The following PTPRD variants were observed in gnomAD, a reference collection of about 807,000 sequenced individuals.
The protein encoded by PTPRD is receptor-type tyrosine-protein phosphatase delta.
In PTPRD, 34 loss-of-function variants were observed where a neutral mutation model predicts 214.5. The observed-to-expected ratio is 0.16, with a 90% confidence interval of 0.12 to 0.21. The LOEUF is 0.21. PTPRD is among the 10% of genes least tolerant of loss of function. The pLI is 1.00. For synonymous variants in PTPRD, 1,128 were observed against 845.7 expected, an observed-to-expected ratio of 1.33 and a Z score of -5.79; for missense variants, 2,545 against 2,398.7, an observed-to-expected ratio of 1.06 and a Z score of -1.27.
intron 11 of PTPRD, among the ~76,000 whole-genome samples, chr9:8,863,558 T>A (rs1395153981): frequency 6.6e-6 from 1 of 152,270 alleles, no homozygotes; most frequent in African/African-American, 2.4e-5. Flanking sequence ...GGCCCATTAA[T>A]GCATACATTA....
intron 10 of PTPRD, among the ~76,000 whole-genome samples, chr9:9,176,427 C>A (rs780683218): frequency 2.0e-5 from 3 of 152,128 alleles, no homozygotes; most frequent in Admixed American, 6.5e-5. Flanking sequence ...TTCTTAGGTG[C>A]TTTTCTTCCT....
intron 34 of PTPRD, among the ~76,000 whole-genome samples, chr9:8,448,691 G>T (rs2095829270): frequency 6.6e-6 from 1 of 152,118 alleles, no homozygotes; most frequent in Admixed American, 6.5e-5. Flanking sequence ...TTCAATTGAA[G>T]AGTTACTAGT....
chr9:10,363,503 C>T (rs1340502004), intron 2 of PTPRD, among the ~76,000 whole-genome samples: 1 of 152,196 alleles, frequency 6.6e-6, no homozygotes, highest in African/African-American at 2.4e-5. Context: ...ATGTTAAATT[C>T]TTCAAGCTCC....
chr9:10,126,096 C>T (rs1412338581), intron 3 of PTPRD, among the ~76,000 whole-genome samples: 3 of 151,990 alleles, frequency 2.0e-5, no homozygotes, highest in African/African-American at 7.2e-5. Context: ...TAGCATTTGG[C>T]ATGTATCCAA....
intron 2 of PTPRD, among the ~76,000 whole-genome samples, chr9:10,511,256 T>C (rs1332284299): frequency 6.6e-6 from 1 of 152,188 alleles, no homozygotes; most frequent in Non-Finnish European, 1.5e-5. Context: ...TGTGTGAATA[T>C]GTTTCTAATT....
At chr9:9,543,549 A>G (rs1320262428) in intron 8 of PTPRD, among the ~76,000 whole-genome samples, 1 of 151,604 alleles carries the variant, frequency 6.6e-6, no homozygotes, top group Non-Finnish European at 1.5e-5. Context: ...TAAGTTTTCC[A>G]AGGTAGGGTA....
chr9:9,118,429 T>C (rs1373576369), intron 10 of PTPRD, among the ~76,000 whole-genome samples: 1 of 152,154 alleles, frequency 6.6e-6, no homozygotes, highest in African/African-American at 2.4e-5. Flanking sequence ...TCACACTACA[T>C]GCACAGTGAT....
At chr9:8,676,278 C>T (rs1042806088) in intron 12 of PTPRD, among the ~76,000 whole-genome samples, 2 of 152,026 alleles carry the variant, frequency 1.3e-5, no homozygotes, top group Admixed American at 1.3e-4. Context: ...TCCCTTCTTA[C>T]AACTCCCTAA....
At chr9:8,607,567 C>T (rs748921304) in intron 14 of PTPRD, among the ~76,000 whole-genome samples, 133 of 151,956 alleles carry the variant, frequency 8.8e-4, no homozygotes, top group Non-Finnish European at 1.3e-3. Context: ...TGCTTGAGCC[C>T]GGGAGGGAGA....
At chr9:9,585,965 T>C (rs1161608191) in intron 7 of PTPRD, among the ~76,000 whole-genome samples, 1 of 152,006 alleles carries the variant, frequency 6.6e-6, no homozygotes, top group African/African-American at 2.4e-5. Flanking sequence ...GGAGATATAT[T>C]TGGCTTCCTC....
intron 4 of PTPRD, among the ~76,000 whole-genome samples, chr9:10,016,393 A>ATAGACAGATAGATAGG (rs2096716178): frequency 6.7e-6 from 1 of 149,902 alleles, no homozygotes; most frequent in Non-Finnish European, 1.5e-5. Flanking sequence ...AGATAGATAG[A>ATAGACAGATAGATAGG]TAGACAGATA....
In PTPRD at chr9:9,469,361, G is replaced by C. The variant is rs183320947; in HGVS notation, c.-236-71879C>G. Among the ~76,000 whole-genome samples, 659 of 152,130 alleles carry C rather than the reference G, an allele frequency of 4.3e-3. 6 individuals are homozygous for C. Among genetic ancestry groups the C allele is most frequent in the African/African-American group, 0.015 (612 of 41,524 alleles). ...TGTCTTCTAGGAGCAATGATTTTAA[G>C]GATAAAGCTGGCAATGTTCCCCAGA... On this transcript the variant is annotated intron_variant, in intron 8 of 45. Transcript: ENST00000381196.
At chr9:9,554,588 C>T (rs780431215) in intron 8 of PTPRD, among the ~76,000 whole-genome samples, 1 of 151,978 alleles carries the variant, frequency 6.6e-6, no homozygotes, top group Non-Finnish European at 1.5e-5. Flanking sequence ...ACTCCTCTGG[C>T]ACCTGAAGAT....
intron 12 of PTPRD, among the ~76,000 whole-genome samples, chr9:8,667,038 G>C (rs2097183991): frequency 2.0e-5 from 3 of 152,240 alleles, no homozygotes; most frequent in Admixed American, 2.0e-4. Context: ...TGGAGGGCCA[G>C]TTTGAAACAA....
intron 30 of PTPRD, among the ~76,000 whole-genome samples, chr9:8,479,783 T>G (rs1245619845): frequency 6.6e-6 from 1 of 152,214 alleles, no homozygotes. Flanking sequence ...GAATATACTA[T>G]ACTATTTTCC....
intron 2 of PTPRD, among the ~76,000 whole-genome samples, chr9:10,564,863 G>C (rs1254313211): frequency 6.6e-6 from 1 of 152,018 alleles, no homozygotes; most frequent in East Asian, 1.9e-4. Flanking sequence ...TTTGGATATA[G>C]TCCTGAGAAA....
chr9:9,890,640 A>G (rs548360160), intron 5 of PTPRD, among the ~76,000 whole-genome samples: 2 of 152,240 alleles, frequency 1.3e-5, no homozygotes, highest in South Asian at 2.1e-4. Context: ...ATGGGACTCA[A>G]TGAATGACCC....
chr9:10,099,432 T>C (rs1244668767), intron 3 of PTPRD, among the ~76,000 whole-genome samples: 1 of 151,796 alleles, frequency 6.6e-6, no homozygotes, highest in African/African-American at 2.4e-5. Flanking sequence ...CACTACTATA[T>C]GAGTTATAGT....
intron 8 of PTPRD, among the ~76,000 whole-genome samples, chr9:9,428,454 G>A (rs200025083): frequency 0.065 from 9,958 of 152,066 alleles, 352 homozygotes; most frequent in Middle Eastern, 0.17. Context: ...AATAATAATC[G>A]GAGACTTTAA....
Sources: allele counts gnomAD v4.1 joint callset (sites outside exome capture counted in the v4.1 genomes callset), GRCh38; gene constraint gnomAD v4.1.1; transcripts MANE v1.5; gene names NCBI Gene and HGNC (gene_info 2026-07-23, HGNC 2026-07-21).